SUGCT: variants seen among roughly 807,000 people sequenced by gnomAD.
SUGCT encodes succinyl-CoA:glutarate-CoA transferase, also known as succinyl-CoA:glutarate CoA-transferase.
A neutral mutation model predicts 55.0 loss-of-function variants in SUGCT; 41 were observed. The observed-to-expected ratio is 0.74, with a 90% CI of 0.58 to 0.97. The LOEUF (loss-of-function observed/expected upper bound fraction) is 0.97, where lower values mean the gene tolerates loss of function less well. Ranked by LOEUF, SUGCT falls within the 50% of genes least tolerant of loss-of-function variation. SUGCT has a pLI of 0.00. For synonymous variants in SUGCT, 187 were observed against 200.4 expected (o/e 0.93, Z 0.56); for missense variants, 568 against 547.8 (o/e 1.04, Z -0.37).
intron 9 of SUGCT, among the ~76,000 whole-genome samples, chr7:40,409,306 C>T (rs1023126548): frequency 1.3e-5 from 2 of 150,756 alleles, no homozygotes; most frequent in Non-Finnish European, 3.0e-5. Context: ...CTCTGTTGCC[C>T]GGGCTGTATT....
chr7:40,328,317 A>G (rs1796117595), intron 9 of SUGCT, among the ~76,000 whole-genome samples: 2 of 152,204 alleles, frequency 1.3e-5, no homozygotes, highest in Non-Finnish European at 2.9e-5. Flanking sequence ...AAGTGATGGT[A>G]TAGTGAAGCA....
intron 12 of SUGCT, among the ~76,000 whole-genome samples, chr7:40,555,754 G>A (rs1428412911): frequency 6.6e-6 from 1 of 151,674 alleles, no homozygotes; most frequent in Non-Finnish European, 1.5e-5. Flanking sequence ...ATATTGCTGA[G>A]TGGTATGATT....
intron 13 of SUGCT, among the ~76,000 whole-genome samples, chr7:40,802,154 G>C (rs1190873868): frequency 6.6e-6 from 1 of 152,086 alleles, no homozygotes; most frequent in Non-Finnish European, 1.5e-5. Flanking sequence ...AGTCTCACTG[G>C]GAACATTATG....
chr7:40,912,223 T>G, the SUGCT span, among the ~76,000 whole-genome samples: 7 of 152,340 alleles, frequency 4.6e-5, no homozygotes, highest in South Asian at 1.4e-3. Context: ...TTGGCCACAT[T>G]TATGATACAT....
chr7:40,296,079 G>C (rs1375535774), intron 8 of SUGCT, among the ~76,000 whole-genome samples: 2 of 152,200 alleles, frequency 1.3e-5, no homozygotes, highest in African/African-American at 4.8e-5. Flanking sequence ...TTGGGCGACT[G>C]AGATGCTGTT....
chr7:40,792,869 A>G (rs1201509665), intron 13 of SUGCT, among the ~76,000 whole-genome samples: 1 of 152,042 alleles, frequency 6.6e-6, no homozygotes, highest in African/African-American at 2.4e-5. Flanking sequence ...GTTGTTCCCA[A>G]ATTTTTCCAT....
intron 12 of SUGCT, among the ~76,000 whole-genome samples, chr7:40,553,438 A>G (rs1795403836): frequency 2.0e-5 from 3 of 152,238 alleles, no homozygotes; most frequent in Non-Finnish European, 4.4e-5. Flanking sequence ...CCCTTGATCA[A>G]TGCCATTGCA....
intron 11 of SUGCT, among the ~76,000 whole-genome samples, chr7:40,481,243 C>T (rs1043444433): frequency 7.2e-5 from 11 of 151,950 alleles, no homozygotes; most frequent in African/African-American, 1.7e-4. Flanking sequence ...GAGGCTGACC[C>T]GTGAGGATCA....
chr7:40,918,460 CAA>C, the SUGCT span, among the ~76,000 whole-genome samples: 135 of 101,894 alleles, frequency 1.3e-3, no homozygotes, highest in African/African-American at 2.3e-3. Context: ...GACTCTGTCT[CAA>C]AAAAAAAAAA....
At chr7:40,371,291 A>G (rs1192291798) in intron 9 of SUGCT, among the ~76,000 whole-genome samples, 1 of 152,174 alleles carries the variant, frequency 6.6e-6, no homozygotes, top group Non-Finnish European at 1.5e-5. Context: ...AGAAACTAAA[A>G]TAATAATAAA....
At chr7:40,281,064 A>G (rs1475037435) in intron 8 of SUGCT, among the ~76,000 whole-genome samples, 1 of 152,222 alleles carries the variant, frequency 6.6e-6, no homozygotes, top group Non-Finnish European at 1.5e-5. Context: ...TGGTATAAAG[A>G]TGAAGATAAT....
chr7:40,946,108 T>G, the SUGCT span, among the ~76,000 whole-genome samples: 17 of 63,712 alleles, frequency 2.7e-4, no homozygotes, highest in African/African-American at 7.4e-4. Context: ...ACATACAAGT[T>G]TTTTTTTTTT....
intron 12 of SUGCT, 63 bp downstream of exon 12, chr7:40,496,449 C>A: frequency 8.9e-7 from 1 of 1,127,012 alleles, no homozygotes; most frequent in Non-Finnish European, 1.3e-6. Flanking sequence ...ATCAAGGTAC[C>A]TTTGCCATTG....
chr7:40,449,444 C>G lies in SUGCT; in HGVS notation c.888+86C>G, dbSNP rs551538517. The G allele has an allele frequency of 4.9e-4, 453 of 919,124 alleles. 4 individuals carry two copies. The highest frequency in any genetic ancestry group is 3.5e-3 in the South Asian group (251 of 71,310). 56.9% of individuals were successfully genotyped at this position (919,124 alleles called of 1,614,324 possible). A position where few individuals can be genotyped will look rare whatever the true frequency, so the allele number is the denominator to read the frequency against. Reference sequence around the variant, plus strand: ...TTGCCCAGGTCACAACCAACTTAGGCCCCCTGTGTTAGCAACTAAAAGTAT... The same window carrying G: ...TTGCCCAGGTCACAACCAACTTAGGGCCCCTGTGTTAGCAACTAAAAGTAT... On this transcript the variant is annotated intron_variant, in intron 10 of 13. Coordinates refer to ENST00000335693, the MANE Select transcript of SUGCT (RefSeq NM_001193313.2).
rs1789049420 is a variant in SUGCT, at chr7:40,449,183, A to C, written c.817-104A>C. 4.3e-6 allele frequency: 3 copies of C among 697,996 alleles called. No individual in the cohort carries two copies. In the Admixed American group the frequency reaches 8.1e-5, roughly 19 times the overall value. 43.2% of individuals were successfully genotyped at this position (697,996 alleles called of 1,614,324 possible). ...CAAATTAATCGATATTGAATTAATA[A>C]CATTGCTTTAGAACAAGCTTTCTAT... On this transcript the variant is annotated intron_variant, in intron 9 of 13. Transcript: ENST00000335693.
At chr7:40,309,289 G>C (rs1487740065) in intron 8 of SUGCT, among the ~76,000 whole-genome samples, 1 of 144,420 alleles carries the variant, frequency 6.9e-6, no homozygotes, top group Non-Finnish European at 1.5e-5. Context: ...CATAGTAAGT[G>C]TGATATCAGT....
the SUGCT span, among the ~76,000 whole-genome samples, chr7:40,902,404 C>T: frequency 1.9e-4 from 29 of 151,448 alleles, no homozygotes; most frequent in African/African-American, 6.8e-4. Flanking sequence ...ATGGTGAAAC[C>T]CCATCTCTAC....
chr7:40,290,225 T>C (rs1290261448), intron 8 of SUGCT, among the ~76,000 whole-genome samples: 1 of 152,152 alleles, frequency 6.6e-6, no homozygotes. Flanking sequence ...AGAACAAAGC[T>C]GGAGGCAGCA....
intron 12 of SUGCT, among the ~76,000 whole-genome samples, chr7:40,658,226 A>G (rs1264987685): frequency 6.6e-6 from 1 of 152,178 alleles, no homozygotes; most frequent in Non-Finnish European, 1.5e-5. Flanking sequence ...GCATGAATAT[A>G]TGATGTATAA....
Sources: allele counts gnomAD v4.1 joint callset (sites outside exome capture counted in the v4.1 genomes callset), GRCh38; gene constraint gnomAD v4.1.1; transcripts MANE v1.5; gene names NCBI Gene and HGNC (gene_info 2026-07-23, HGNC 2026-07-21).